The following NRXN1 variants were observed in gnomAD, a reference collection of about 807,000 sequenced individuals.
The protein encoded by NRXN1 is neurexin 1.
NRXN1 carries 39 observed loss-of-function variants against 150.9 expected under a neutral mutation model. That is an observed-to-expected ratio of 0.26 (90% CI 0.20 to 0.34). The LOEUF (loss-of-function observed/expected upper bound fraction) is 0.34. Ranked by LOEUF, NRXN1 falls within the 10% of genes least tolerant of loss-of-function variation. NRXN1 has a pLI of 1.00. For missense variants in NRXN1, 1,815 were observed against 1,949.9 expected, an observed-to-expected ratio of 0.93 and a Z score of 1.30; for synonymous variants, 924 against 757.0, an observed-to-expected ratio of 1.22 and a Z score of -3.62.
chr2:50,581,321 T>C (rs943781030), intron 8 of NRXN1, among the ~76,000 whole-genome samples: 2 of 152,212 alleles, frequency 1.3e-5, no homozygotes, highest in African/African-American at 4.8e-5. Flanking sequence ...TATCTATGCA[T>C]GCCAAAACCC....
chr2:50,550,826 C>CG (rs1667355369), intron 9 of NRXN1, among the ~76,000 whole-genome samples: 1 of 151,660 alleles, frequency 6.6e-6, no homozygotes, highest in African/African-American at 2.4e-5. Context: ...GGACTACAGG[C>CG]ACCGCCACCA....
intron 5 of NRXN1, among the ~76,000 whole-genome samples, chr2:50,703,323 C>CT (rs1356883311): frequency 3.9e-5 from 6 of 152,044 alleles, no homozygotes; most frequent in African/African-American, 1.4e-4. Context: ...CCAGGTAACT[C>CT]TTTTTTGATG....
intron 5 of NRXN1, among the ~76,000 whole-genome samples, chr2:50,649,251 T>TACACATACACACAC (rs1284650257): frequency 1.2e-3 from 92 of 79,640 alleles, no homozygotes; most frequent in African/African-American, 4.0e-3. Flanking sequence ...TATACACACA[T>TACACATACACACAC]ACACACATAC....
At chr2:50,183,824 G>T (rs1213839265) in intron 18 of NRXN1, among the ~76,000 whole-genome samples, 2 of 151,774 alleles carry the variant, frequency 1.3e-5, no homozygotes, top group Non-Finnish European at 2.9e-5. Context: ...AATGGATTTA[G>T]ATTAAAGATT....
chr2:50,815,159 A>G (rs1668750449), intron 5 of NRXN1, among the ~76,000 whole-genome samples: 1 of 152,004 alleles, frequency 6.6e-6, no homozygotes, highest in Non-Finnish European at 1.5e-5. Flanking sequence ...ATCTTTATTG[A>G]GTAATTATGT....
intron 5 of NRXN1, among the ~76,000 whole-genome samples, chr2:50,710,258 C>T (rs954926721): frequency 3.9e-5 from 6 of 152,096 alleles, no homozygotes; most frequent in African/African-American, 1.4e-4. Flanking sequence ...TGCCAAAGGG[C>T]CTTGATATTT....
chr2:50,056,593 G>A (rs1414683255), intron 19 of NRXN1, among the ~76,000 whole-genome samples: 1 of 151,906 alleles, frequency 6.6e-6, no homozygotes, highest in Non-Finnish European at 1.5e-5. Flanking sequence ...GGACACAAAT[G>A]GTACAAAATT....
At chr2:50,079,157 T>A (rs1171747429) in intron 19 of NRXN1, among the ~76,000 whole-genome samples, 1 of 152,106 alleles carries the variant, frequency 6.6e-6, no homozygotes, top group Non-Finnish European at 1.5e-5. Flanking sequence ...TTTACTCTTT[T>A]GGTTATAATC....
Position 50,347,581 on chromosome 2 carries a change from G to C in NRXN1, c.3365-110611C>G, listed in dbSNP as rs201192951. The stretch of plus-strand genomic sequence containing the variant: ...GCAGCGGCGCGCATCGCCTGCTCCC[G>C]AGGCAATCTCCGCGTCCGCCGCCTC... On this transcript the variant is annotated intron_variant, in intron 17 of 22. Transcript: ENST00000401669. The surrounding 1 kb of genome is among the most constrained non-coding windows in gnomAD (Gnocchi z 4.9). 5.9e-6 allele frequency: 6 copies of C among 1,015,796 alleles called. No individual in the cohort carries two copies. The Admixed American group carries it at 2.8e-4, about 47-fold the overall frequency. 62.9% of individuals were successfully genotyped at this position (1,015,796 alleles called of 1,614,324 possible).
intron 18 of NRXN1, among the ~76,000 whole-genome samples, chr2:50,229,008 T>C (rs959111632): frequency 2.0e-5 from 3 of 152,056 alleles, no homozygotes; most frequent in Admixed American, 6.6e-5. Context: ...ACATCACAAA[T>C]TGTTTTCATC....
chr2:50,132,856 C>CTT (rs70946891), intron 18 of NRXN1, among the ~76,000 whole-genome samples: 28,820 of 142,268 alleles, frequency 0.2, 3,407 homozygotes, highest in East Asian at 0.35. Flanking sequence ...GATTTAGGGT[C>CTT]TTTTTTTTTT....
chr2:50,559,821 C>T (rs1668789803), intron 8 of NRXN1, among the ~76,000 whole-genome samples: 1 of 151,938 alleles, frequency 6.6e-6, no homozygotes, highest in Admixed American at 6.6e-5. Context: ...TTGATAATTT[C>T]AAAAAATTAG....
intron 21 of NRXN1, among the ~76,000 whole-genome samples, chr2:50,018,086 C>T (rs1211490396): frequency 3.3e-5 from 5 of 152,000 alleles, no homozygotes; most frequent in Non-Finnish European, 5.9e-5. Flanking sequence ...AGGGAGGCAT[C>T]CAAGGGACCC....
chr2:50,455,948 G>C (rs2087514978), intron 17 of NRXN1, among the ~76,000 whole-genome samples: 1 of 152,178 alleles, frequency 6.6e-6, no homozygotes, highest in African/African-American at 2.4e-5. Flanking sequence ...CTGGAATCCA[G>C]ATGAGGCCTT....
chr2:50,935,400 A>C (rs1263409004), intron 2 of NRXN1, among the ~76,000 whole-genome samples: 2 of 152,182 alleles, frequency 1.3e-5, no homozygotes, highest in Non-Finnish European at 2.9e-5. Flanking sequence ...AAATGAACCA[A>C]TGAGAAGGCA....
chr2:50,828,782 C>G (rs894950688), intron 5 of NRXN1, among the ~76,000 whole-genome samples: 1 of 145,988 alleles, frequency 6.8e-6, no homozygotes, highest in East Asian at 2.1e-4. Flanking sequence ...ATGTCCCAGA[C>G]GATAGGCGGC....
intron 5 of NRXN1, among the ~76,000 whole-genome samples, chr2:50,793,293 T>A (rs916060633): frequency 1.3e-5 from 2 of 152,086 alleles, no homozygotes; most frequent in African/African-American, 2.4e-5. Context: ...AATGTTCAGA[T>A]AAATCATGCC....
chr2:50,281,960 T>C (rs1382667341), intron 17 of NRXN1, among the ~76,000 whole-genome samples: 1 of 152,204 alleles, frequency 6.6e-6, no homozygotes, highest in Non-Finnish European at 1.5e-5. Flanking sequence ...ATTTTATTAA[T>C]ATTGAGAAAT....
intron 9 of NRXN1, among the ~76,000 whole-genome samples, chr2:50,549,332 A>T (rs1472814582): frequency 3.3e-5 from 5 of 152,206 alleles, no homozygotes; most frequent in Non-Finnish European, 5.9e-5. Context: ...TTAAAATTAC[A>T]TTAAACACCC....
Sources: gnomAD v4.1 joint callset for allele counts (sites outside exome capture counted in the v4.1 genomes callset) on GRCh38, gnomAD v4.1.1 for gene constraint, Gnocchi (gnomAD v3.1) non-coding constraint, MANE v1.5 for transcripts, NCBI Gene and HGNC (gene_info 2026-07-23, HGNC 2026-07-21) for gene names.